The following TFDP2 variants were observed in gnomAD, a reference collection of about 807,000 sequenced individuals.
TFDP2 encodes the protein transcription factor Dp-2 (E2F dimerization partner 2).
A neutral mutation model predicts 59.3 loss-of-function variants in TFDP2; 17 were observed. The observed-to-expected ratio is 0.29, with a 90% CI of 0.20 to 0.43. TFDP2 has a LOEUF of 0.43. Among genes scored for constraint, TFDP2 ranks in the 20% least tolerant of loss-of-function variants. The pLI is 1.00. For missense variants in TFDP2, 391 were observed against 528.8 expected (o/e 0.74, Z 2.56); for synonymous variants, 180 against 194.7 (o/e 0.92, Z 0.63).
chr3:142,076,549 G>A (rs1016899838), intron 3 of TFDP2, among the ~76,000 whole-genome samples: 4 of 152,204 alleles, frequency 2.6e-5, no homozygotes, highest in African/African-American at 9.7e-5. Flanking sequence ...TAATGTGATA[G>A]TGGTTTCAAT....
chr3:142,032,041 T>C (rs375482058), intron 3 of TFDP2, among the ~76,000 whole-genome samples: 2 of 152,296 alleles, frequency 1.3e-5, no homozygotes, highest in East Asian at 3.9e-4. Flanking sequence ...AAATATTTCA[T>C]ATTTCCTGTT....
chr3:142,145,977 G>C (rs1024617183), intron 1 of TFDP2, among the ~76,000 whole-genome samples: 2 of 152,056 alleles, frequency 1.3e-5, no homozygotes, highest in Admixed American at 1.3e-4. Context: ...CTGAACCAAA[G>C]AATTAATAAT....
intron 1 of TFDP2, among the ~76,000 whole-genome samples, chr3:142,114,723 C>T (rs777369606): frequency 7.9e-5 from 12 of 151,492 alleles, no homozygotes; most frequent in Admixed American, 1.3e-4. Context: ...GATGTATGTG[C>T]TCACTACAAA....
chr3:141,957,230 A>G (rs1936796248), intron 11 of TFDP2, among the ~76,000 whole-genome samples: 1 of 152,190 alleles, frequency 6.6e-6, no homozygotes, highest in African/African-American at 2.4e-5. Context: ...AGGCAGGAGA[A>G]TCACTTGAAC....
chr3:142,045,025 TAAAC>T (rs1312446334), intron 3 of TFDP2, among the ~76,000 whole-genome samples: 2 of 152,204 alleles, frequency 1.3e-5, no homozygotes, highest in African/African-American at 2.4e-5. Context: ...TCAGATTCAT[TAAAC>T]AAACCCCATG....
At chr3:142,086,106 A>G (rs916429669) in intron 3 of TFDP2, among the ~76,000 whole-genome samples, 6 of 152,014 alleles carry the variant, frequency 3.9e-5, no homozygotes, top group African/African-American at 1.5e-4. Context: ...TCTCTTCAGG[A>G]TCACCTCCAC....
intron 11 of TFDP2, 113 bp from the exon 12 acceptor site, chr3:141,953,129 G>T: frequency 1.5e-6 from 1 of 660,560 alleles, no homozygotes; most frequent in Non-Finnish European, 2.6e-6. Context: ...CTTCATGACA[G>T]CTAGACAATT....
intron 3 of TFDP2, among the ~76,000 whole-genome samples, chr3:142,085,841 G>A (rs1453757161): frequency 1.3e-5 from 2 of 152,082 alleles, no homozygotes; most frequent in Non-Finnish European, 2.9e-5. Context: ...TGGGAAAAGG[G>A]TTCTGCTGGT....
intron 1 of TFDP2, among the ~76,000 whole-genome samples, chr3:142,116,100 T>A (rs2061845408): frequency 6.6e-6 from 1 of 151,972 alleles, no homozygotes; most frequent in South Asian, 2.1e-4. Flanking sequence ...GGTCTTGCTC[T>A]GTCACCCAGG....
intron 3 of TFDP2, among the ~76,000 whole-genome samples, chr3:142,062,799 T>A (rs2059963274): frequency 1.3e-5 from 2 of 152,174 alleles, no homozygotes; most frequent in African/African-American, 4.8e-5. Flanking sequence ...AATGGAGTAT[T>A]ACATAGCAAT....
In TFDP2 at chr3:141,950,904, A is replaced by AT. The variant is rs1935873736; in HGVS notation, c.*1608_*1609insA. ...CTATGGCTTATTTCTGACAGAATGA[A>AT]ACTTTTGTATCAAAGGAGCTTCAGC... On this transcript the variant is annotated 3_prime_UTR_variant, in exon 13 of 13. Transcript: ENST00000489671. 2 of 152,212 alleles carry AT rather than the reference A, an allele frequency of 1.3e-5. No homozygotes were observed. Among genetic ancestry groups the AT allele is most frequent in the Admixed American group, 6.5e-5 (1 of 15,280 alleles). The allele number at this position is 152,212 out of a possible 1,614,324, so 9.4% of individuals were successfully genotyped here.
chr3:142,065,638 A>G (rs1257377708), intron 3 of TFDP2, among the ~76,000 whole-genome samples: 1 of 151,662 alleles, frequency 6.6e-6, no homozygotes, highest in Non-Finnish European at 1.5e-5. Flanking sequence ...CAGCCTCCTG[A>G]GTAGCTGGGA....
At chr3:142,146,867 C>T (rs966567223) in intron 1 of TFDP2, among the ~76,000 whole-genome samples, 3 of 151,848 alleles carry the variant, frequency 2.0e-5, no homozygotes, top group African/African-American at 7.3e-5. Context: ...AGTTGAAAAC[C>T]CACAATACAG....
rs184592779 is a variant in TFDP2 at position 141,973,159 on chromosome 3, G to A, written c.663+889C>T. On this transcript the variant is annotated intron_variant, in intron 8 of 12. Transcript: ENST00000489671. ...TTAAAGATGGAGTCTTGCTCTTGTC[G>A]CCTAGGCTGGAGTGCAATGGCACCA... Among the ~76,000 whole-genome samples, 234 of 135,950 alleles carry A rather than the reference G, an allele frequency of 1.7e-3. 1 individual carries two copies. The highest frequency in any genetic ancestry group is 1.9e-3 in the Non-Finnish European group (121 of 64,464). The allele number at this position is 135,950 out of a possible 152,430, so 89.2% of individuals were successfully genotyped here. A position where few individuals can be genotyped will look rare whatever the true frequency, so the allele number is the denominator to read the frequency against.
At chr3:141,983,853 C>T (rs893073259) in intron 6 of TFDP2, among the ~76,000 whole-genome samples, 1 of 152,052 alleles carries the variant, frequency 6.6e-6, no homozygotes, top group Non-Finnish European at 1.5e-5. Context: ...CCATTATGCA[C>T]TGCTGGTGGA....
chr3:141,973,146 T>G (rs1195254579), intron 8 of TFDP2, among the ~76,000 whole-genome samples: 2 of 145,614 alleles, frequency 1.4e-5, no homozygotes, highest in African/African-American at 2.5e-5. Flanking sequence ...AAAGATGGAG[T>G]CTTGCTCTTG....
At chr3:142,145,764 A>T (rs2063150129) in intron 1 of TFDP2, among the ~76,000 whole-genome samples, 1 of 152,092 alleles carries the variant, frequency 6.6e-6, no homozygotes, top group Admixed American at 6.5e-5. Context: ...AAAGACAAAA[A>T]AGTAGTAATT....
intron 4 of TFDP2, among the ~76,000 whole-genome samples, chr3:142,003,299 A>T (rs1943961666): frequency 6.7e-6 from 1 of 150,046 alleles, no homozygotes; most frequent in Non-Finnish European, 1.5e-5. Flanking sequence ...ACACCCGGCA[A>T]TTTTTGTATT....
chr3:141,955,575 C>T (rs757460701), intron 11 of TFDP2, among the ~76,000 whole-genome samples: 20 of 152,128 alleles, frequency 1.3e-4, no homozygotes, highest in Non-Finnish European at 2.8e-4. Context: ...TGAATGGTGC[C>T]AACCGAAGAA....
Sources: gnomAD v4.1 joint callset for allele counts (sites outside exome capture counted in the v4.1 genomes callset) on GRCh38, gnomAD v4.1.1 for gene constraint, MANE v1.5 for transcripts, NCBI Gene and HGNC (gene_info 2026-07-23, HGNC 2026-07-21) for gene names.